VAV3: variants seen among roughly 807,000 people sequenced by gnomAD.
The protein encoded by VAV3 is guanine nucleotide exchange factor VAV3.
In VAV3, 94 loss-of-function variants were observed where a neutral mutation model predicts 131.2. That is an observed-to-expected ratio of 0.72 (90% CI 0.61 to 0.85). The LOEUF is 0.85. Among genes scored for constraint, VAV3 ranks in the 40% least tolerant of loss-of-function variants. The probability of loss-of-function intolerance (pLI) is 0.00; values close to 1 mark genes in which losing one functional copy is unlikely to be tolerated. For missense variants in VAV3, 939 were observed against 1,002.7 expected (o/e 0.94, Z 0.86); for synonymous variants, 349 against 342.0 (o/e 1.02, Z -0.22).
chr1:107,851,441 T>C (rs1669229210), intron 2 of VAV3, among the ~76,000 whole-genome samples: 1 of 151,982 alleles, frequency 6.6e-6, no homozygotes, highest in Admixed American at 6.6e-5. Flanking sequence ...ATAGTGAATT[T>C]TCATTTTATT....
chr1:107,964,763 G>A lies in VAV3; in HGVS notation c.107C>T (p.Thr36Ile). The A allele has an allele frequency of 6.2e-7, 1 of 1,614,118 alleles. No individual in the cohort carries two copies. Among genetic ancestry groups the A allele is most frequent in the Non-Finnish European group, 8.5e-7 (1 of 1,180,006 alleles). ...GCAGAGCAGGACTCCATCGCGGAGG[G>A]TCTGCGCAAGGTCGAACACCTGAGC... Reference protein sequence around the residue: ...DSAQVFDLAQTLRDGVLLCQL... With the variant: ...DSAQVFDLAQILRDGVLLCQL... The change falls in exon 1 of 27, where the codon ACC becomes ATC. Residue 36 changes from threonine to isoleucine, a missense_variant. By Grantham distance (89) the Thr-to-Ile change is moderately conservative. Transcript: ENST00000370056.
At chr1:107,573,684 C>G (rs1019699068) in intron 26 of VAV3, among the ~76,000 whole-genome samples, 1 of 152,172 alleles carries the variant, frequency 6.6e-6, no homozygotes, top group Admixed American at 6.5e-5. Context: ...GACAGAGGTA[C>G]TATGTCCCAT....
intron 19 of VAV3, chr1:107,677,960 C>A (rs12046073): frequency 0.16 from 24,354 of 152,050 alleles, 2,303 homozygotes; most frequent in South Asian, 0.27. Context: ...CCTCCTCCAA[C>A]CAAGAAAGAT....
chr1:107,868,967 T>C (rs1225186224), intron 2 of VAV3, among the ~76,000 whole-genome samples: 1 of 152,216 alleles, frequency 6.6e-6, no homozygotes. Flanking sequence ...TAGGTTCATC[T>C]TCAACTCTAT....
chr1:107,895,066 G>A (rs1340375662), intron 1 of VAV3, among the ~76,000 whole-genome samples: 4 of 152,138 alleles, frequency 2.6e-5, no homozygotes, highest in African/African-American at 7.2e-5. Context: ...GGGGAATGAG[G>A]AGAAATCAAG....
At chr1:107,613,807 C>G (rs959663358) in intron 21 of VAV3, among the ~76,000 whole-genome samples, 2 of 152,078 alleles carry the variant, frequency 1.3e-5, no homozygotes, top group African/African-American at 2.4e-5. Flanking sequence ...CCAATCCAGA[C>G]AGCATTTGAA....
intron 14 of VAV3, 133 bp from the exon 15 acceptor site, chr1:107,749,210 T>C (rs1279750235): frequency 1.2e-6 from 1 of 831,538 alleles, no homozygotes; most frequent in African/African-American, 1.7e-5. Context: ...AAGCTTATTG[T>C]AGTCAACTTC....
intron 2 of VAV3, among the ~76,000 whole-genome samples, chr1:107,867,138 G>T (rs1670026815): frequency 6.6e-6 from 1 of 152,082 alleles, no homozygotes. Context: ...AAACTCATTG[G>T]AACAAGAATA....
In VAV3 at chr1:107,943,272, G is replaced by T. The variant is rs1005308386; in HGVS notation, c.204+21394C>A. On this transcript the variant is annotated intron_variant, in intron 1 of 26. Transcript: ENST00000370056. The stretch of plus-strand genomic sequence containing the variant: ...TACGTATACAGAGGATGCTTTCTTG[G>T]TCTGCTCTTGATTAGTCAGTTGAGG... Among the ~76,000 whole-genome samples, 8 of 152,170 alleles carry T rather than the reference G, an allele frequency of 5.3e-5. No individual in the cohort carries two copies. The South Asian group carries it at 8.3e-4, about 16-fold the overall frequency.
At chr1:107,713,818 G>A (rs1660929513) in intron 15 of VAV3, among the ~76,000 whole-genome samples, 1 of 152,034 alleles carries the variant, frequency 6.6e-6, no homozygotes, top group African/African-American at 2.4e-5. Context: ...AATTCTATGA[G>A]GGGCCTTTCA....
At chr1:107,806,308 G>C (rs908811888) in intron 2 of VAV3, among the ~76,000 whole-genome samples, 2 of 152,020 alleles carry the variant, frequency 1.3e-5, no homozygotes, top group Non-Finnish European at 2.9e-5. Flanking sequence ...TGGGCTGACT[G>C]GGGGAAAAGG....
intron 12 of VAV3, among the ~76,000 whole-genome samples, chr1:107,754,873 A>T (rs1279301509): frequency 6.6e-6 from 1 of 152,126 alleles, no homozygotes; most frequent in Non-Finnish European, 1.5e-5. Flanking sequence ...CTCAGTTCAA[A>T]TGACTTAAAA....
chr1:107,780,320 G>C (rs970231846), intron 2 of VAV3, among the ~76,000 whole-genome samples: 1 of 152,080 alleles, frequency 6.6e-6, no homozygotes, highest in Non-Finnish European at 1.5e-5. Flanking sequence ...AGTGTTTTCA[G>C]AAAAAGTTTT....
chr1:107,826,554 T>C (rs1320627547), intron 2 of VAV3, among the ~76,000 whole-genome samples: 4 of 152,152 alleles, frequency 2.6e-5, no homozygotes, highest in Non-Finnish European at 5.9e-5. Flanking sequence ...AGGTATGAGG[T>C]CATACTTTCA....
intron 19 of VAV3, among the ~76,000 whole-genome samples, chr1:107,660,601 T>C (rs375658665): frequency 5.8e-4 from 89 of 152,310 alleles, no homozygotes; most frequent in Non-Finnish European, 1.1e-3. Context: ...GGCTGCAAAG[T>C]GAAGGAGATC....
chr1:107,948,704 G>A (rs1361752417), intron 1 of VAV3, among the ~76,000 whole-genome samples: 2 of 152,058 alleles, frequency 1.3e-5, no homozygotes, highest in African/African-American at 2.4e-5. Context: ...TTAGCTAGGC[G>A]TGGTGGTATG....
intron 17 of VAV3, among the ~76,000 whole-genome samples, chr1:107,694,660 CTG>C (rs1659641098): frequency 6.6e-6 from 1 of 152,166 alleles, no homozygotes. Flanking sequence ...GGAACCAAAA[CTG>C]TACAATCCCC....
chr1:107,825,004 C>T (rs1180834596), intron 2 of VAV3, among the ~76,000 whole-genome samples: 3 of 152,168 alleles, frequency 2.0e-5, no homozygotes, highest in Non-Finnish European at 4.4e-5. Flanking sequence ...AGTCAGTAAA[C>T]TACCACAGGT....
At chr1:107,719,254 A>C (rs559075262) in intron 15 of VAV3, among the ~76,000 whole-genome samples, 1 of 152,352 alleles carries the variant, frequency 6.6e-6, no homozygotes, top group East Asian at 1.9e-4. Context: ...AGAAACTGCC[A>C]TCAGAGTGAA....
Sources: allele counts gnomAD v4.1 joint callset (sites outside exome capture counted in the v4.1 genomes callset), GRCh38; gene constraint gnomAD v4.1.1; transcripts MANE v1.5; gene names NCBI Gene and HGNC (gene_info 2026-07-23, HGNC 2026-07-21).